Variants in MCF2L2 observed in about 807,000 individuals in gnomAD.
The protein encoded by MCF2L2 is probable guanine nucleotide exchange factor MCF2L2.
In MCF2L2, 102 loss-of-function variants were observed where a neutral mutation model predicts 150.2. That is an observed-to-expected ratio of 0.68 (90% CI 0.58 to 0.80). The LOEUF (loss-of-function observed/expected upper bound fraction) is 0.80, where lower values mean the gene tolerates loss of function less well. Ranked by LOEUF, MCF2L2 falls within the 30% of genes least tolerant of loss-of-function variation. The pLI is 0.00. For missense variants in MCF2L2, 1,256 were observed against 1,372.8 expected, an observed-to-expected ratio of 0.91 and a Z score of 1.34; for synonymous variants, 465 against 491.3, an observed-to-expected ratio of 0.95 and a Z score of 0.71.
chr3:183,193,000 T>A lies in MCF2L2; in HGVS notation c.3015A>T (p.Lys1005Asn). ...ACTCTCCCATGGGACCCTCCCTACC[T>A]TTAATCCCTCCTGTGCTGGAGGCCG... is the stretch of plus-strand genomic sequence containing the variant. The part of the protein sequence containing the change: ...EDPASSTGGI[K>N]GCSSREFSSM... The change falls in exon 27 of 30, where the codon AAA becomes AAT. Residue 1005 changes from lysine (K) to asparagine (N), a missense_variant and splice_region_variant. Transcript: ENST00000328913. The A allele has an allele frequency of 6.2e-7, 1 of 1,613,414 alleles. No individual in the cohort carries two copies. Among genetic ancestry groups the A allele is most frequent in the Non-Finnish European group, 8.5e-7 (1 of 1,179,372 alleles).
intron 1 of MCF2L2, among the ~76,000 whole-genome samples, chr3:183,423,327 T>C (rs975863065): frequency 2.0e-5 from 3 of 152,208 alleles, no homozygotes; most frequent in African/African-American, 7.2e-5. Flanking sequence ...CTGCATGTTA[T>C]CAATGTTGAC....
chr3:183,256,677 G>C (rs1007677052), intron 15 of MCF2L2, among the ~76,000 whole-genome samples: 2 of 152,148 alleles, frequency 1.3e-5, no homozygotes, highest in Non-Finnish European at 2.9e-5. Context: ...TGACTCTTTT[G>C]CTCCTTTCCT....
At chr3:183,239,326 G>A (rs1003721617) in intron 15 of MCF2L2, among the ~76,000 whole-genome samples, 1 of 152,116 alleles carries the variant, frequency 6.6e-6, no homozygotes, top group Admixed American at 6.6e-5. Flanking sequence ...GTTTTAAAGG[G>A]ATGTTTCTTC....
At chr3:183,257,213 T>C (rs1035975702) in intron 15 of MCF2L2, among the ~76,000 whole-genome samples, 5 of 152,236 alleles carry the variant, frequency 3.3e-5, no homozygotes, top group African/African-American at 1.2e-4. Context: ...CACTGGTACA[T>C]GGTTTAGAGA....
intron 15 of MCF2L2, among the ~76,000 whole-genome samples, chr3:183,257,673 G>C (rs1576976446): frequency 6.6e-6 from 1 of 152,134 alleles, no homozygotes; most frequent in Non-Finnish European, 1.5e-5. Flanking sequence ...TGCTTCTAAA[G>C]ACAATGTCCA....
rs762518014 is a variant in MCF2L2 at position 183,427,934 on chromosome 3, G to A, written c.44C>T (p.Thr15Ile). ...AGTGATCACTGTGGCCAGTCGCCGG[G>A]TGAGCTCCTGGGGAGGCATCTCTTC... ...LKEEMPPQEL[T>I]RRLATVITHV... The change falls in exon 1 of 30, where the codon ACC (threonine) becomes ATC (isoleucine). Residue 15 changes from threonine (T) to isoleucine (I), a missense_variant. Coordinates refer to ENST00000328913, the MANE Select transcript of MCF2L2 (RefSeq NM_015078.4). 7 of 1,614,032 alleles carry A rather than the reference G, an allele frequency of 4.3e-6. No individual in the cohort carries two copies. The highest frequency in any genetic ancestry group is 5.9e-6 in the Non-Finnish European group (7 of 1,179,990).
intron 15 of MCF2L2, chr3:183,253,113 G>A (rs1330735623): frequency 6.6e-6 from 1 of 152,118 alleles, no homozygotes; most frequent in Non-Finnish European, 1.5e-5. Context: ...AACAAACTGG[G>A]GCGGGGCCCA....
In MCF2L2 at chr3:183,179,485, C is replaced by G. The variant is rs1386062296; in HGVS notation, c.3240G>C (p.Glu1080Asp). The G allele has an allele frequency of 6.2e-7, 1 of 1,607,860 alleles. No homozygotes were observed. The highest frequency in any genetic ancestry group is 1.3e-5 in the African/African-American group (1 of 74,832). Residue 1080 changes from glutamate (E) to aspartate (D), a missense_variant, in exon 30 of 30, where the codon GAG becomes GAC. Coordinates refer to ENST00000328913, the MANE Select transcript of MCF2L2 (RefSeq NM_015078.4). This position sits in a 1 kb window ranked among gnomAD's most constrained non-coding sequence, Gnocchi z 4.2. ...DEEETATRST[E>D]EERAGASTGR... ...CCGTGGACGCCCCAGCGCGCTCCTC[C>G]TCGGTGCTGCGGGTCGCCCTGCAAT...
At chr3:183,336,918 T>C (rs1282378671) in intron 5 of MCF2L2, among the ~76,000 whole-genome samples, 1 of 151,550 alleles carries the variant, frequency 6.6e-6, no homozygotes, top group Non-Finnish European at 1.5e-5. Context: ...TTTGTCTCCT[T>C]CCAATTAGTC....
intron 5 of MCF2L2, among the ~76,000 whole-genome samples, chr3:183,336,365 T>A (rs986676004): frequency 2.0e-5 from 3 of 152,136 alleles, no homozygotes; most frequent in African/African-American, 7.2e-5. Flanking sequence ...ACTTTTCTGT[T>A]GAGTTTGAAA....
chr3:183,218,987 T>C (rs1403134587), intron 21 of MCF2L2, among the ~76,000 whole-genome samples: 4 of 152,172 alleles, frequency 2.6e-5, no homozygotes, highest in Non-Finnish European at 4.4e-5. Flanking sequence ...ATAAGACATG[T>C]CTCAAGTGTT....
At chr3:183,258,156 T>G (rs370645116) in intron 15 of MCF2L2, 1 of 152,104 alleles carries the variant, frequency 6.6e-6, no homozygotes, top group Non-Finnish European at 1.5e-5. Context: ...TTAGTAGAGA[T>G]GGGGTTTCAC....
chr3:183,216,466 A>G (rs1212107454), intron 21 of MCF2L2, among the ~76,000 whole-genome samples: 3 of 140,592 alleles, frequency 2.1e-5, no homozygotes, highest in Non-Finnish European at 4.6e-5. Context: ...ATATTTATAT[A>G]TTAATATATA....
Position 183,332,012 on chromosome 3 carries a change from C to T in MCF2L2, c.486+6788G>A, listed in dbSNP as rs139359781. Reference sequence around the variant, plus strand: ...TCACACAAAATAAACTCCTTTCCCCCCAACACGTGAAAATGTAATTATCTA... The same window carrying T: ...TCACACAAAATAAACTCCTTTCCCCTCAACACGTGAAAATGTAATTATCTA... On this transcript the variant is annotated intron_variant, in intron 5 of 29. Coordinates refer to ENST00000328913, the MANE Select transcript of MCF2L2 (RefSeq NM_015078.4). Among the ~76,000 whole-genome samples the T allele has an allele frequency of 5.9e-3, 891 of 152,244 alleles. 2 individuals carry two copies. Among genetic ancestry groups the T allele is most frequent in the Non-Finnish European group, 0.01 (690 of 68,020 alleles).
intron 1 of MCF2L2, among the ~76,000 whole-genome samples, chr3:183,426,048 T>TAC (rs1716148715): frequency 1.3e-5 from 2 of 152,066 alleles, no homozygotes; most frequent in Non-Finnish European, 2.9e-5. Context: ...TTTCACAGGT[T>TAC]TTATTAGATT....
intron 3 of MCF2L2, among the ~76,000 whole-genome samples, chr3:183,349,589 T>C (rs1731033022): frequency 6.6e-6 from 1 of 152,256 alleles, no homozygotes; most frequent in Non-Finnish European, 1.5e-5. Context: ...TAGATAGTCA[T>C]AGCTGCTATT....
At chr3:183,375,414 C>T (rs971926197) in intron 3 of MCF2L2, 14 of 152,302 alleles carry the variant, frequency 9.2e-5, no homozygotes, top group Admixed American at 5.2e-4. Context: ...TGAAGTTTTC[C>T]CTTTTTTTCC....
chr3:183,187,910 CT>C (rs1721752615), intron 27 of MCF2L2, among the ~76,000 whole-genome samples: 1 of 152,210 alleles, frequency 6.6e-6, no homozygotes, highest in African/African-American at 2.4e-5. Flanking sequence ...ACGTGGAATC[CT>C]TTCCCTTTCT....
chr3:183,264,935 G>T (rs1288508537), intron 15 of MCF2L2, among the ~76,000 whole-genome samples: 2 of 152,120 alleles, frequency 1.3e-5, no homozygotes, highest in Non-Finnish European at 2.9e-5. Flanking sequence ...TTATTCTTCT[G>T]ACTACCTCTA....
Sources: gnomAD v4.1 joint callset for allele counts (sites outside exome capture counted in the v4.1 genomes callset) on GRCh38, gnomAD v4.1.1 for gene constraint, Gnocchi (gnomAD v3.1) non-coding constraint, MANE v1.5 for transcripts, NCBI Gene and HGNC (gene_info 2026-07-23, HGNC 2026-07-21) for gene names.